The following CDH23 variants were observed in gnomAD, a reference collection of about 807,000 sequenced individuals.
The protein encoded by CDH23 is cadherin related 23.
CDH23 carries 189 observed loss-of-function variants against 317.1 expected under a neutral mutation model. The observed-to-expected ratio is 0.60, with a 90% CI of 0.53 to 0.67. CDH23 has a LOEUF of 0.67. Among genes scored for constraint, CDH23 ranks in the 30% least tolerant of loss-of-function variants. The pLI is 0.00. For missense variants in CDH23, 4,401 were observed against 4,592.4 expected (o/e 0.96, Z 1.20); for synonymous variants, 1,839 against 1,876.8 (o/e 0.98, Z 0.52).
intron 3 of CDH23, among the ~76,000 whole-genome samples, chr10:71,505,526 T>C (rs1198881207): frequency 6.6e-6 from 1 of 152,220 alleles, no homozygotes; most frequent in African/African-American, 2.4e-5. Flanking sequence ...TTCCCGGCTG[T>C]GCTGTGTTTA....
At chr10:71,668,023 G>A (rs1009119375) in intron 14 of CDH23, among the ~76,000 whole-genome samples, 1 of 152,120 alleles carries the variant, frequency 6.6e-6, no homozygotes, top group Non-Finnish European at 1.5e-5. Context: ...CAGGCCCTAA[G>A]CCACCTGCAC....
intron 2 of CDH23, among the ~76,000 whole-genome samples, chr10:71,444,660 G>T (rs925635054): frequency 6.6e-6 from 1 of 152,224 alleles, no homozygotes; most frequent in African/African-American, 2.4e-5. Context: ...AGGAGGAAAA[G>T]AGGCCAGTCT....
At chr10:71,639,324 C>G (rs1389476554) in intron 11 of CDH23, among the ~76,000 whole-genome samples, 1 of 152,210 alleles carries the variant, frequency 6.6e-6, no homozygotes, top group Non-Finnish European at 1.5e-5. Flanking sequence ...GCATCTCCAC[C>G]CCATGAAGGC....
chr10:71,587,730 C>A (rs528669130), intron 9 of CDH23, among the ~76,000 whole-genome samples: 8 of 152,336 alleles, frequency 5.3e-5, no homozygotes, highest in Non-Finnish European at 1.2e-4. Context: ...GAACCTGAGA[C>A]GAGCCCCTCT....
intron 12 of CDH23, 53 bp from the exon 13 acceptor site, chr10:71,645,778 G>C: frequency 6.3e-7 from 1 of 1,599,108 alleles, no homozygotes; most frequent in East Asian, 2.2e-5. Context: ...TTTGGGTCTA[G>C]GCTTTGGCCA....
chr10:71,608,087 G>A (rs1355482171), intron 9 of CDH23, among the ~76,000 whole-genome samples: 4 of 152,198 alleles, frequency 2.6e-5, no homozygotes, highest in African/African-American at 7.2e-5. Context: ...TTGGCCCAAA[G>A]GAATGAGTGG....
intron 6 of CDH23, among the ~76,000 whole-genome samples, chr10:71,529,271 C>A (rs945804024): frequency 3.3e-5 from 5 of 152,176 alleles, no homozygotes; most frequent in Non-Finnish European, 2.9e-5. Flanking sequence ...ATGGGCCAAG[C>A]AAGAGTGACC....
In CDH23 at chr10:71,510,204, C is replaced by A. The variant is rs1064794990; in HGVS notation, c.268C>A (p.Arg90=). The A allele has an allele frequency of 8.7e-6, 14 of 1,613,642 alleles. No individual in the cohort carries two copies. Among genetic ancestry groups the A allele is most frequent in the Non-Finnish European group, 1.2e-5 (14 of 1,179,864 alleles). ...VEPDTGVVWL[R]QPLDRETKSE... is the part of the protein sequence containing the mutation. ...GCCTGACACTGGCGTGGTGTGGCTCCGGCAGCCACTGGACAGAGAGGTATG... is the reference window on the plus strand; with the variant it reads ...GCCTGACACTGGCGTGGTGTGGCTCAGGCAGCCACTGGACAGAGAGGTATG... Residue 90 remains arginine, a synonymous_variant, in exon 4 of 70, where the codon CGG becomes AGG. Coordinates refer to ENST00000224721, the MANE Select transcript of CDH23 (RefSeq NM_022124.6).
intron 3 of CDH23, among the ~76,000 whole-genome samples, chr10:71,500,935 T>C (rs1024384312): frequency 6.6e-6 from 1 of 151,968 alleles, no homozygotes; most frequent in Non-Finnish European, 1.5e-5. Context: ...AGTGGCATGA[T>C]CTTGGCTCAC....
rs1380304031 is a variant in CDH23 at position 71,810,468 on chromosome 10, C to G, written c.8980-4C>G. 1 of 1,613,946 alleles carries G rather than the reference C, an allele frequency of 6.2e-7. No individual in the cohort carries two copies. Among genetic ancestry groups the G allele is most frequent in the Admixed American group, 1.7e-5 (1 of 60,026 alleles). ...CACACCCTACAATACCCCTTCTCATCTAGTTCCATGTGGACAAGAAGGGCC... is the reference window on the plus strand; with the variant it reads ...CACACCCTACAATACCCCTTCTCATGTAGTTCCATGTGGACAAGAAGGGCC... On this transcript the variant is annotated splice_polypyrimidine_tract_variant and splice_region_variant and intron_variant, in intron 61 of 69. Transcript: ENST00000224721.
intron 6 of CDH23, among the ~76,000 whole-genome samples, chr10:71,551,765 T>G (rs1856609717): frequency 6.6e-6 from 1 of 152,176 alleles, no homozygotes; most frequent in Non-Finnish European, 1.5e-5. Context: ...AAGCCAGCAG[T>G]GGAGCCCAGT....
At chr10:71,731,497 G>A (rs942897292) in intron 31 of CDH23, among the ~76,000 whole-genome samples, 18 of 152,316 alleles carry the variant, frequency 1.2e-4, no homozygotes, top group South Asian at 4.1e-4. Flanking sequence ...TGATTGAATG[G>A]TTTGTTTCAA....
chr10:71,397,267 G>A lies in CDH23; in HGVS notation c.-57G>A. 1 of 179,296 alleles carries A rather than the reference G, an allele frequency of 5.6e-6. No individual in the cohort carries two copies. Among genetic ancestry groups the A allele is most frequent in the Non-Finnish European group, 1.2e-5 (1 of 86,848 alleles). The allele number at this position is 179,296 out of a possible 1,614,324, so 11.1% of individuals were successfully genotyped here. On this transcript the variant is annotated 5_prime_UTR_variant, in exon 1 of 70. Coordinates refer to ENST00000224721, the MANE Select transcript of CDH23 (RefSeq NM_022124.6). This position sits in a 1 kb window ranked among gnomAD's most constrained non-coding sequence, Gnocchi z 4.8. Reference sequence around the variant, plus strand: ...GGCCCGCGGGGGCCGATCCGGCGGAGAGCAGAGCCCGAGGCGAGGCGAGGC... The same window carrying A: ...GGCCCGCGGGGGCCGATCCGGCGGAAAGCAGAGCCCGAGGCGAGGCGAGGC...
At chr10:71,699,625 C>T (rs944566121) in intron 22 of CDH23, among the ~76,000 whole-genome samples, 1 of 152,188 alleles carries the variant, frequency 6.6e-6, no homozygotes, top group Non-Finnish European at 1.5e-5. Context: ...CCTTCAAGGA[C>T]CTGGCTGATG....
chr10:71,655,267 C>A (rs536913498), intron 14 of CDH23, among the ~76,000 whole-genome samples: 1 of 152,184 alleles, frequency 6.6e-6, no homozygotes, highest in African/African-American at 2.4e-5. Context: ...GCCTCTGCAG[C>A]CTGGCCTTGA....
chr10:71,521,030 A>T (rs190266211), intron 6 of CDH23, among the ~76,000 whole-genome samples: 100 of 152,142 alleles, frequency 6.6e-4, no homozygotes, highest in Non-Finnish European at 1.3e-4. Context: ...GTTGGCTGGA[A>T]GCTGTGAGGG....
chr10:71,502,420 A>G (rs1323737746), intron 3 of CDH23, among the ~76,000 whole-genome samples: 1 of 152,228 alleles, frequency 6.6e-6, no homozygotes, highest in Non-Finnish European at 1.5e-5. Context: ...TGTGGGCAAG[A>G]GCTGGGACTG....
At chr10:71,628,891 G>A (rs1029098131) in intron 11 of CDH23, among the ~76,000 whole-genome samples, 2 of 152,220 alleles carry the variant, frequency 1.3e-5, no homozygotes, top group Non-Finnish European at 2.9e-5. Flanking sequence ...TCTGACTAGT[G>A]CTAGCATCAA....
At chr10:71,636,915 G>A (rs1862303173) in intron 11 of CDH23, among the ~76,000 whole-genome samples, 1 of 152,164 alleles carries the variant, frequency 6.6e-6, no homozygotes, top group Non-Finnish European at 1.5e-5. Flanking sequence ...TGGGTACCAG[G>A]GGTTGAGGTG....
Sources: allele counts gnomAD v4.1 joint callset (sites outside exome capture counted in the v4.1 genomes callset), GRCh38; gene constraint gnomAD v4.1.1; non-coding constraint Gnocchi (gnomAD v3.1); transcripts MANE v1.5; gene names NCBI Gene and HGNC (gene_info 2026-07-23, HGNC 2026-07-21).